Variants in PCDHA8 observed in about 807,000 individuals in gnomAD.
PCDHA8 encodes protocadherin alpha-8.
Under a neutral mutation model 61.8 loss-of-function variants are expected in PCDHA8, and 53 were observed. That is an observed-to-expected ratio of 0.86 (90% CI 0.69 to 1.08). The LOEUF is 1.08. Among genes scored for constraint, PCDHA8 ranks in the 50% least tolerant of loss-of-function variants. The probability of loss-of-function intolerance (pLI) is 0.00; values close to 1 mark genes in which losing one functional copy is unlikely to be tolerated. For missense variants in PCDHA8, 1,293 were observed against 1,245.0 expected, an observed-to-expected ratio of 1.04 and a Z score of -0.58; for synonymous variants, 618 against 556.6, an observed-to-expected ratio of 1.11 and a Z score of -1.55.
chr5:140,853,435 A>G lies in PCDHA8; in HGVS notation c.2394+9720A>G, dbSNP rs2150531946. ...GTGAAAGCAGAAGAGACACTTTCCTATTTTGCCTAATAGGTCTCCTTATAT... is the reference window on the plus strand; with the variant it reads ...GTGAAAGCAGAAGAGACACTTTCCTGTTTTGCCTAATAGGTCTCCTTATAT... On this transcript the variant is annotated intron_variant, in intron 1 of 3. Coordinates refer to ENST00000531613, the MANE Select transcript of PCDHA8 (RefSeq NM_018911.3). 6.1e-5 allele frequency: 60 copies of G among 984,096 alleles called. 8 individuals carry two copies. Among genetic ancestry groups the G allele is most frequent in the Non-Finnish European group, 6.7e-5 (55 of 816,498 alleles). The allele number at this position is 984,096 out of a possible 1,614,324, so 61.0% of individuals were successfully genotyped here.
At chr5:140,989,546 CT>C (rs1343132361) in intron 3 of PCDHA8, among the ~76,000 whole-genome samples, 1 of 152,140 alleles carries the variant, frequency 6.6e-6, no homozygotes, top group African/African-American at 2.4e-5. Context: ...TTTGTAATTC[CT>C]TTACGTTTTG....
In PCDHA8 at chr5:140,968,959, C is replaced by T. The variant is rs782079520; in HGVS notation, c.2395-9990C>T. ...TCATCATTTTGAGCATCATCAAGTG[C>T]TACCGCTACACTGCGTATGGCACTG... On this transcript the variant is annotated intron_variant, in intron 1 of 3. Transcript: ENST00000531613. The T allele has an allele frequency of 1.5e-5, 25 of 1,614,182 alleles. 1 individual carries two copies. In the Middle Eastern group the frequency reaches 1.8e-3, roughly 117 times the overall value.
At chr5:140,987,982 C>T (rs781838400) in intron 3 of PCDHA8, among the ~76,000 whole-genome samples, 16 of 152,206 alleles carry the variant, frequency 1.1e-4, no homozygotes, top group Non-Finnish European at 1.5e-4. Flanking sequence ...TCCATGGAGA[C>T]TCCATCTCTG....
chr5:140,910,528 T>A (rs2153515102), intron 1 of PCDHA8, among the ~76,000 whole-genome samples: 1 of 152,314 alleles, frequency 6.6e-6, no homozygotes, highest in African/African-American at 2.4e-5. Flanking sequence ...GGTACTCCCC[T>A]CACAAATCTA....
chr5:140,877,334 C>A (rs375199455), intron 1 of PCDHA8: 13 of 1,614,002 alleles, frequency 8.1e-6, no homozygotes, highest in Non-Finnish European at 1.0e-5. Flanking sequence ...GCGCACATCC[C>A]GTTCCACGTG....
At chr5:140,869,355 G>A (rs782391359) in intron 1 of PCDHA8, 19 of 1,614,012 alleles carry the variant, frequency 1.2e-5, no homozygotes, top group Admixed American at 1.7e-5. Context: ...ATGGCATTTT[G>A]TTTGTGAATT....
intron 1 of PCDHA8, chr5:140,865,989 T>A (rs955714257): frequency 1.3e-5 from 2 of 152,172 alleles, no homozygotes; most frequent in Non-Finnish European, 2.9e-5. Flanking sequence ...TGGCACTAAG[T>A]TTTTTTATGT....
At position 140,971,106 on chromosome 5, in the gene PCDHA8, G is replaced by T. The variant is rs529915701; in HGVS notation, c.2395-7843G>T. Among the ~76,000 whole-genome samples, 46 of 152,304 alleles carry T rather than the reference G, an allele frequency of 3.0e-4. No homozygotes were observed. In the South Asian group the frequency reaches 4.1e-3, roughly 14 times the overall value. ...AACAAATTCTTGTGAAGCCCTTTGG[G>T]ATTGGGGTGGGCTACAGGTGGTGAA... is the stretch of plus-strand genomic sequence containing the variant. On this transcript the variant is annotated intron_variant, in intron 1 of 3. Transcript: ENST00000531613.
chr5:140,869,819 A>G, intron 1 of PCDHA8: 1 of 1,612,282 alleles, frequency 6.2e-7, no homozygotes, highest in Non-Finnish European at 8.5e-7. Context: ...AACGACAATG[A>G]TCCAGAGTTT....
At chr5:140,869,322 C>A (rs1169893950) in intron 1 of PCDHA8, 12 of 1,613,702 alleles carry the variant, frequency 7.4e-6, no homozygotes, top group Non-Finnish European at 1.0e-5. Context: ...CACATGGGGA[C>A]CTTCTGGAGG....
At chr5:140,967,936 T>G in intron 1 of PCDHA8, 1 of 1,614,226 alleles carries the variant, frequency 6.2e-7, no homozygotes, top group Non-Finnish European at 8.5e-7. Flanking sequence ...TCAGTGTCAA[T>G]GACCAAGACT....
At position 140,841,271 on chromosome 5, in the gene PCDHA8, G is replaced by A. The variant is rs1554138054; in HGVS notation, c.-51G>A. On this transcript the variant is annotated 5_prime_UTR_variant, in exon 1 of 4. Coordinates refer to ENST00000531613, the MANE Select transcript of PCDHA8 (RefSeq NM_018911.3). ...ATTAAAAGACTCTGAAAGTACAGTCGTTCATCTTTATATTAAGATAATATT... is the reference window on the plus strand; with the variant it reads ...ATTAAAAGACTCTGAAAGTACAGTCATTCATCTTTATATTAAGATAATATT... 1.3e-6 allele frequency: 2 copies of A among 1,532,504 alleles called. No individual in the cohort carries two copies. The highest frequency in any genetic ancestry group is 2.1e-5 in the Admixed American group (1 of 47,520). 94.9% of individuals were successfully genotyped at this position (1,532,504 alleles called of 1,614,324 possible).
rs2150345538 is a variant in PCDHA8 at position 140,842,828 on chromosome 5, T to C, written c.1507T>C (p.Ser503Pro). 1.9e-6 allele frequency: 3 copies of C among 1,593,634 alleles called. No homozygotes were observed. Among genetic ancestry groups the C allele is most frequent in the South Asian group, 1.1e-5 (1 of 90,406 alleles). The change falls in exon 1 of 4, where the codon TCG (serine) becomes CCG (proline). Residue 503 changes from serine (S) to proline (P), a missense_variant. Physicochemically the swap from Ser to Pro is moderately conservative, Grantham distance 74. Coordinates refer to ENST00000531613, the MANE Select transcript of PCDHA8 (RefSeq NM_018911.3). ...TGTGGAGCGGCGGGTGGGCGAGCGC[T>C]CGCTGTCGAGCTACATTTCGGTGCA... ...SLVERRVGER[S>P]LSSYISVHTE...
intron 3 of PCDHA8, among the ~76,000 whole-genome samples, chr5:140,991,118 A>T (rs2153893669): frequency 6.6e-6 from 1 of 152,340 alleles, no homozygotes; most frequent in South Asian, 2.1e-4. Context: ...GCTTTCTTAC[A>T]TTCACACAGC....
At chr5:140,927,725 C>CA in intron 1 of PCDHA8, 1 of 1,614,202 alleles carries the variant, frequency 6.2e-7, no homozygotes, top group Non-Finnish European at 8.5e-7. Context: ...AGCACGCAAG[C>CA]AGAGCTGCGA....
rs2150323567 is a variant in PCDHA8, at chr5:140,841,820, GT to G, written c.500del (p.Val167GlyfsTer2). 1 of 1,613,910 alleles carries G rather than the reference GT, an allele frequency of 6.2e-7. No individual in the cohort carries two copies. Among genetic ancestry groups the G allele is most frequent in the Non-Finnish European group, 8.5e-7 (1 of 1,179,860 alleles). ...CGATGCAGATGTTGGAGCTAACTCC[GT>G]GTTAACCTACAGGCTTAGCTCTCAT... ...ASDADVGANS[V>X]LTYRLSSHDY... On this transcript the variant is annotated frameshift_variant, in exon 1 of 4. Transcript: ENST00000531613. LOFTEE classifies it high-confidence loss of function.
chr5:140,868,974 C>T (rs2050775096), intron 1 of PCDHA8: 4 of 1,471,768 alleles, frequency 2.7e-6, no homozygotes, highest in South Asian at 1.4e-5. Flanking sequence ...GGAACTCCAT[C>T]ATACCGGATG....
intron 1 of PCDHA8, chr5:140,968,755 A>G: frequency 6.2e-7 from 1 of 1,614,200 alleles, no homozygotes. Flanking sequence ...TGGTGGTCCG[A>G]GATAATGGAG....
intron 1 of PCDHA8, chr5:140,856,811 G>A: frequency 3.8e-6 from 6 of 1,594,886 alleles, no homozygotes; most frequent in Non-Finnish European, 5.2e-6. Flanking sequence ...TGAAAATCAA[G>A]TGAACCAAAC....
Sources: allele counts gnomAD v4.1 joint callset (sites outside exome capture counted in the v4.1 genomes callset), GRCh38; gene constraint gnomAD v4.1.1; transcripts MANE v1.5; gene names NCBI Gene and HGNC (gene_info 2026-07-23, HGNC 2026-07-21).